PROX1: variants seen among roughly 807,000 people sequenced by gnomAD.
PROX1 encodes prospero homeobox 1, also known as prospero homeobox protein 1.
Under a neutral mutation model 58.8 loss-of-function variants are expected in PROX1, and 7 were observed. That is an observed-to-expected ratio of 0.12 (90% CI 0.07 to 0.22). The LOEUF (loss-of-function observed/expected upper bound fraction) is 0.22, where lower values mean the gene tolerates loss of function less well. PROX1 is among the 10% of genes least tolerant of loss of function. The probability of loss-of-function intolerance (pLI) is 1.00; values close to 1 mark genes in which losing one functional copy is unlikely to be tolerated. For synonymous variants in PROX1, 350 were observed against 358.3 expected (o/e 0.98, Z 0.26); for missense variants, 675 against 927.8 (o/e 0.73, Z 3.54).
chr1:214,000,890 CA>C (rs1176790869), intron 2 of PROX1, among the ~76,000 whole-genome samples: 1 of 152,142 alleles, frequency 6.6e-6, no homozygotes, highest in East Asian at 1.9e-4. Flanking sequence ...CTGGGAATCA[CA>C]GTGAGTGATG....
upstream of PROX1, chr1:213,985,488 C>T (rs2102669595): frequency 6.6e-6 from 1 of 152,364 alleles, no homozygotes; most frequent in African/African-American, 2.4e-5. Context: ...GGCGCGCGCT[C>T]CTATTTCAAG....
intron 1 of PROX1, among the ~76,000 whole-genome samples, chr1:213,991,130 C>T (rs906139876): frequency 6.6e-6 from 1 of 152,136 alleles, no homozygotes; most frequent in Non-Finnish European, 1.5e-5. Context: ...TGGGTTAAAA[C>T]ATGGACATGT....
At chr1:214,023,282 T>C (rs962135513) in intron 4 of PROX1, among the ~76,000 whole-genome samples, 1 of 152,130 alleles carries the variant, frequency 6.6e-6, no homozygotes, top group Non-Finnish European at 1.5e-5. Flanking sequence ...ATTTATAATA[T>C]GCATTAACTT....
intron 1 of PROX1, among the ~76,000 whole-genome samples, chr1:213,993,315 T>A (rs1304206516): frequency 6.6e-6 from 1 of 152,180 alleles, no homozygotes; most frequent in Non-Finnish European, 1.5e-5. Context: ...TCATATTGCC[T>A]AGTGAAACTG....
chr1:213,993,017 T>C (rs900969447), intron 1 of PROX1, among the ~76,000 whole-genome samples: 1 of 152,192 alleles, frequency 6.6e-6, no homozygotes, highest in Non-Finnish European at 1.5e-5. Flanking sequence ...CCTGTTTTGA[T>C]TATACCTGGA....
upstream of PROX1, chr1:213,983,294 A>G (rs1213150011): frequency 6.6e-6 from 1 of 152,332 alleles, no homozygotes; most frequent in Non-Finnish European, 1.5e-5. Flanking sequence ...GAGGCTCGGG[A>G]AGCACACGTG....
intron 3 of PROX1, among the ~76,000 whole-genome samples, chr1:214,007,156 C>T (rs942206635): frequency 7.2e-5 from 11 of 152,236 alleles, no homozygotes; most frequent in African/African-American, 2.4e-4. Flanking sequence ...AGAAACTGTT[C>T]CCATTCCTCT....
Position 214,036,008 on chromosome 1 carries a change from AT to A in PROX1, c.*176del, listed in dbSNP as rs1274426837. Reference sequence around the variant, plus strand: ...TTTCTCTCATTTTCTTTTGTTTTCCATTGCAAGGGGATGGTTGTTTTCTTTC... The same window carrying A: ...TTTCTCTCATTTTCTTTTGTTTTCCATGCAAGGGGATGGTTGTTTTCTTTC... On this transcript the variant is annotated 3_prime_UTR_variant, in exon 5 of 5. Transcript: ENST00000366958. 1 of 535,630 alleles carries A rather than the reference AT, an allele frequency of 1.9e-6. No homozygotes were observed. The highest frequency in any genetic ancestry group is 4.0e-5 in the Admixed American group (1 of 24,698). The allele number at this position is 535,630 out of a possible 1,614,324, so 33.2% of individuals were successfully genotyped here.
intron 1 of PROX1, among the ~76,000 whole-genome samples, chr1:213,994,799 A>ATATATATATC (rs1558167642): frequency 1.7e-5 from 2 of 119,584 alleles, no homozygotes; most frequent in African/African-American, 7.0e-5. Context: ...ATATATATAT[A>ATATATATATC]TATAAAGAGG....
At chr1:214,031,745 C>G (rs77385402) in intron 4 of PROX1, among the ~76,000 whole-genome samples, 2,713 of 152,180 alleles carry the variant, frequency 0.018, 84 homozygotes, top group African/African-American at 0.059. Flanking sequence ...CTAAGATGCT[C>G]CCACAAAACA....
chr1:213,998,422 T>C (rs1430824249), intron 2 of PROX1, among the ~76,000 whole-genome samples, 162 bp downstream of exon 2: 2 of 152,218 alleles, frequency 1.3e-5, no homozygotes, highest in Non-Finnish European at 2.9e-5. Context: ...GCGTGTGCCA[T>C]TCCTGATTGC....
upstream of PROX1, among the ~76,000 whole-genome samples, chr1:213,986,952 T>C (rs1662838001): frequency 6.6e-6 from 1 of 152,236 alleles, no homozygotes; most frequent in Non-Finnish European, 1.5e-5. Flanking sequence ...GGCTTTATTT[T>C]AGAGCCTGCG....
Position 213,996,675 on chromosome 1 carries a change from C to T in PROX1, c.140C>T (p.Pro47Leu). The change falls in exon 2 of 5, where the codon CCC becomes CTC. Residue 47 changes from proline (P) to leucine (L), a missense_variant. By Grantham distance (98) the Pro-to-Leu change is moderately conservative. This residue lies in a region of PROX1 where 157 missense variants were observed against 197.8 expected (regional missense o/e 0.79). Transcript: ENST00000366958. ...ARATFFSAMN[P>L]QGSEQDVEYS... Reference sequence around the variant, plus strand: ...GCAACGTTTTTTAGTGCCATGAATCCCCAAGGTTCTGAGCAGGATGTTGAG... The same window carrying T: ...GCAACGTTTTTTAGTGCCATGAATCTCCAAGGTTCTGAGCAGGATGTTGAG... 8 of 1,614,086 alleles carry T rather than the reference C, an allele frequency of 5.0e-6. No homozygotes were observed. The highest frequency in any genetic ancestry group is 6.8e-6 in the Non-Finnish European group (8 of 1,180,036).
intron 3 of PROX1, among the ~76,000 whole-genome samples, chr1:214,006,985 C>A (rs565411497): frequency 8.2e-4 from 125 of 152,348 alleles, no homozygotes; most frequent in African/African-American, 2.7e-3. Flanking sequence ...TGGGAAACAG[C>A]AGCCATTCTG....
At chr1:213,986,648 T>C (rs1662832302), upstream of PROX1, among the ~76,000 whole-genome samples, 1 of 152,258 alleles carries the variant, frequency 6.6e-6, no homozygotes, top group Admixed American at 6.5e-5. Context: ...ACACGAAGAC[T>C]ACTTGTCCTC....
chr1:214,021,862 C>T (rs1255290597), intron 4 of PROX1, among the ~76,000 whole-genome samples: 1 of 152,206 alleles, frequency 6.6e-6, no homozygotes, highest in East Asian at 1.9e-4. Context: ...ATCCACCCTG[C>T]CCTCCAGATG....
chr1:213,991,311 C>T (rs1160620508), intron 1 of PROX1, among the ~76,000 whole-genome samples: 1 of 152,094 alleles, frequency 6.6e-6, no homozygotes, highest in Non-Finnish European at 1.5e-5. Context: ...GGTTGGTTGG[C>T]AAATGGTTTT....
rs761502450 is a variant in PROX1 at position 213,989,158 on chromosome 1, T to TG, written c.-68+682dup. Among the ~76,000 whole-genome samples, 139 of 148,384 alleles carry TG rather than the reference T, an allele frequency of 9.4e-4. 1 individual carries two copies. Among genetic ancestry groups the TG allele is most frequent in the African/African-American group, 2.4e-3 (96 of 40,088 alleles). ...GAACTGGGAGGAGGAGAGAGGGAGG[T>TG]GGGGGGGCGCTCTGTTACTTTCGTC... On this transcript the variant is annotated intron_variant, in intron 1 of 4. Transcript: ENST00000366958.
intron 3 of PROX1, among the ~76,000 whole-genome samples, chr1:214,009,927 G>A (rs1663849912): frequency 6.6e-6 from 1 of 152,096 alleles, no homozygotes; most frequent in Non-Finnish European, 1.5e-5. Context: ...ACGGGGGCCT[G>A]TAGTCCTTAT....
Sources: allele counts gnomAD v4.1 joint callset (sites outside exome capture counted in the v4.1 genomes callset), GRCh38; gene constraint gnomAD v4.1.1; regional missense constraint gnomAD v4.1.1; transcripts MANE v1.5; gene names NCBI Gene and HGNC (gene_info 2026-07-23, HGNC 2026-07-21).